PSIP1: variants seen among roughly 807,000 people sequenced by gnomAD.
PSIP1 encodes PC4 and SFRS1-interacting protein.
A neutral mutation model predicts 74.7 loss-of-function variants in PSIP1; 19 were observed. The observed-to-expected ratio is 0.25, with a 90% CI of 0.18 to 0.37. PSIP1 has a LOEUF of 0.37. Among genes scored for constraint, PSIP1 ranks in the 10% least tolerant of loss-of-function variants. The pLI is 1.00. For synonymous variants in PSIP1, 222 were observed against 195.3 expected, an observed-to-expected ratio of 1.14 and a Z score of -1.14; for missense variants, 601 against 614.3, an observed-to-expected ratio of 0.98 and a Z score of 0.23.
intron 3 of PSIP1, among the ~76,000 whole-genome samples, chr9:15,493,936 G>C (rs1032300645): frequency 6.6e-6 from 1 of 152,126 alleles, no homozygotes; most frequent in African/African-American, 2.4e-5. Context: ...TATATATTTA[G>C]ATACATTATC....
At position 15,504,802 on chromosome 9, in the gene PSIP1, T is replaced by C. The variant is rs183722766; in HGVS notation, c.149+1759A>G. On this transcript the variant is annotated intron_variant, in intron 3 of 15. Transcript: ENST00000380733. ...AAATCAGAATTAAAGACTTTTAAGC[T>C]TATAAAACTGAAAAATGCTAAGGAA... is the stretch of plus-strand genomic sequence containing the variant. Among the ~76,000 whole-genome samples the C allele has an allele frequency of 3.4e-4, 52 of 152,034 alleles. 1 individual carries two copies. The highest frequency in any genetic ancestry group is 1.9e-3 in the Admixed American group (29 of 15,268).
intron 8 of PSIP1, among the ~76,000 whole-genome samples, chr9:15,477,897 G>C (rs1208738485): frequency 6.6e-6 from 1 of 151,842 alleles, no homozygotes; most frequent in South Asian, 2.1e-4. Context: ...CAGCACTATG[G>C]AAGGATGAGG....
intron 10 of PSIP1, chr9:15,470,745 A>G: frequency 3.3e-5 from 32 of 962,576 alleles, no homozygotes; most frequent in Non-Finnish European, 3.9e-5. Context: ...TTAAGATTCT[A>G]AAGAATTAAA....
chr9:15,490,581 G>A (rs1177419910), intron 3 of PSIP1, among the ~76,000 whole-genome samples: 2 of 150,332 alleles, frequency 1.3e-5, no homozygotes, highest in African/African-American at 4.9e-5. Flanking sequence ...TACTTGAGAG[G>A]ATGAGGCAGG....
chr9:15,488,893 C>A lies in PSIP1; in HGVS notation c.288+1093G>T, dbSNP rs553063653. 3.2e-4 allele frequency among the ~76,000 whole-genome samples: 48 copies of A among 152,054 alleles called. 1 individual carries two copies. In the East Asian group the frequency reaches 9.0e-3, roughly 28 times the overall value. On this transcript the variant is annotated intron_variant, in intron 4 of 15. Transcript: ENST00000380733. ...AAAATTAGCCGGGTGTGGTGGCGGG[C>A]ACCTGTAGTCCCAGCTACTCGGAAG...
chr9:15,469,309 CT>C lies in PSIP1; in HGVS notation c.1060del (p.Arg354GlyfsTer17). 1.3e-6 allele frequency: 2 copies of C among 1,572,704 alleles called. No homozygotes were observed. Among genetic ancestry groups the C allele is most frequent in the Non-Finnish European group, 1.7e-6 (2 of 1,157,688 alleles). On this transcript the variant is annotated frameshift_variant, in exon 12 of 16. Transcript: ENST00000380733. LOFTEE classifies it high-confidence loss of function. ...RETSMDSRLQ[R>X]IHAEIKNSLK... ...TGAATTTTTAATCTCAGCATGTATC[CT>C]TTGAAGTCGAGAATCCATTGATGTT...
chr9:15,491,711 T>C (rs928896469), intron 3 of PSIP1, among the ~76,000 whole-genome samples: 1 of 152,214 alleles, frequency 6.6e-6, no homozygotes, highest in African/African-American at 2.4e-5. Flanking sequence ...ATAGGTGTGT[T>C]AGTCCATTCT....
At chr9:15,479,813 CT>C (rs1226168951) in intron 6 of PSIP1, 126 bp from the exon 7 acceptor site, 1 of 526,728 alleles carries the variant, frequency 1.9e-6, no homozygotes, top group Non-Finnish European at 3.2e-6. Flanking sequence ...TCTATATGAT[CT>C]TTTGTTTTTT....
rs531514922 is a variant in PSIP1, at chr9:15,464,808, C to A, written c.*712G>T. ...CTATATATACCCAGTCAGTTGTCTG[C>A]AAAGAAGTCCTAAGACTTCACTGAA... is the stretch of plus-strand genomic sequence containing the variant. On this transcript the variant is annotated 3_prime_UTR_variant, in exon 16 of 16. Transcript: ENST00000380733. 4.8e-6 allele frequency: 1 copy of A among 207,194 alleles called. No individual in the cohort carries two copies. Among genetic ancestry groups the A allele is most frequent in the East Asian group, 7.4e-5 (1 of 13,542 alleles). The allele number at this position is 207,194 out of a possible 1,614,324, so 12.8% of individuals were successfully genotyped here.
At chr9:15,485,882 TA>T in intron 6 of PSIP1, 123 bp downstream of exon 6, 1 of 815,838 alleles carries the variant, frequency 1.2e-6, no homozygotes, top group Non-Finnish European at 1.9e-6. Context: ...ACATAACCCA[TA>T]AAAAATTAAA....
At chr9:15,488,009 G>T (rs997756967) in intron 4 of PSIP1, among the ~76,000 whole-genome samples, 5 of 152,132 alleles carry the variant, frequency 3.3e-5, no homozygotes, top group African/African-American at 1.2e-4. Context: ...CATGGCACAT[G>T]TGAAGAAATA....
chr9:15,488,432 C>A (rs2036653745), intron 4 of PSIP1, among the ~76,000 whole-genome samples: 1 of 152,134 alleles, frequency 6.6e-6, no homozygotes, highest in Admixed American at 6.6e-5. Context: ...TTTTGGACCT[C>A]AGGTCTTAAA....
chr9:15,506,469 T>G (rs537657907), intron 3 of PSIP1, 92 bp downstream of exon 3: 104 of 896,362 alleles, frequency 1.2e-4, no homozygotes, highest in Admixed American at 9.0e-4. Context: ...AAGTTTCCTA[T>G]TACGTTACGA....
intron 2 of PSIP1, 95 bp downstream of exon 2, chr9:15,510,022 G>A (rs1240847124): frequency 7.8e-7 from 1 of 1,283,916 alleles, no homozygotes; most frequent in East Asian, 2.6e-5. Context: ...GCGAGGGAGA[G>A]AAAGGACAGA....
intron 3 of PSIP1, chr9:15,506,178 C>A (rs866477225): frequency 1.3e-5 from 2 of 158,764 alleles, no homozygotes; most frequent in African/African-American, 4.8e-5. Flanking sequence ...ACCTTCTCCA[C>A]AATATACACA....
chr9:15,493,298 T>G (rs996919184), intron 3 of PSIP1, among the ~76,000 whole-genome samples: 2 of 152,144 alleles, frequency 1.3e-5, no homozygotes, highest in Non-Finnish European at 2.9e-5. Flanking sequence ...TGATCTTTAC[T>G]CCAGTTCCCA....
chr9:15,501,867 A>ATATATATATATATATAT (rs1188842040), intron 3 of PSIP1, among the ~76,000 whole-genome samples: 31 of 144,388 alleles, frequency 2.1e-4, no homozygotes, highest in South Asian at 6.9e-4. Flanking sequence ...ATATATATAT[A>ATATATATATATATATAT]AAACGCACAC....
intron 9 of PSIP1, among the ~76,000 whole-genome samples, chr9:15,473,243 A>C (rs978116212): frequency 2.3e-4 from 35 of 152,324 alleles, no homozygotes; most frequent in African/African-American, 8.2e-4. Context: ...ATGGCGTCCA[A>C]ATAAATTTAC....
At chr9:15,469,120 C>A in intron 12 of PSIP1, 62 bp from the exon 13 acceptor site, 1 of 1,488,460 alleles carries the variant, frequency 6.7e-7, no homozygotes. Flanking sequence ...CAATCTGTTT[C>A]TAAAGATCGT....
Sources: gnomAD v4.1 joint callset for allele counts (sites outside exome capture counted in the v4.1 genomes callset) on GRCh38, gnomAD v4.1.1 for gene constraint, MANE v1.5 for transcripts, NCBI Gene and HGNC (gene_info 2026-07-23, HGNC 2026-07-21) for gene names.